Variants in VDAC3 observed in about 807,000 individuals in gnomAD.
VDAC3 encodes non-selective voltage-gated ion channel VDAC3.
VDAC3 carries 7 observed loss-of-function variants against 33.9 expected under a neutral mutation model. That is an observed-to-expected ratio of 0.21 (90% CI 0.12 to 0.39). VDAC3 has a LOEUF of 0.39. Ranked by LOEUF, VDAC3 falls within the 10% of genes least tolerant of loss-of-function variation. The pLI is 1.00. For synonymous variants in VDAC3, 100 were observed against 122.4 expected, an observed-to-expected ratio of 0.82 and a Z score of 1.21; for missense variants, 261 against 334.5, an observed-to-expected ratio of 0.78 and a Z score of 1.71.
intron 7 of VDAC3, among the ~76,000 whole-genome samples, chr8:42,402,337 C>T (rs1413317648): frequency 1.3e-5 from 2 of 152,188 alleles, no homozygotes; most frequent in African/African-American, 4.8e-5. Context: ...TTACTGCTTC[C>T]TCTGCTGCCC....
rs62508038 is a variant in VDAC3, at chr8:42,398,746, C to G, written c.152C>G (p.Thr51Arg). The stretch of plus-strand genomic sequence containing the variant: ...ACTTCTGGTCATGCTTACACTGATA[C>G]AGGGAAAGCATCAGGCAACCTAGAA... ...FSTSGHAYTD[T>R]GKASGNLETK... The change falls in exon 5 of 10, where the codon ACA becomes AGA. Residue 51 changes from threonine (T) to arginine (R), a missense_variant. Transcript: ENST00000022615. 1.5e-3 allele frequency: 2,401 copies of G among 1,613,876 alleles called. 4 individuals carry two copies. The highest frequency in any genetic ancestry group is 1.9e-3 in the Non-Finnish European group (2,199 of 1,179,988).
intron 7 of VDAC3, 115 bp downstream of exon 7, chr8:42,402,130 C>T: frequency 9.0e-7 from 1 of 1,117,162 alleles, no homozygotes; most frequent in Non-Finnish European, 1.3e-6. Flanking sequence ...GAATATCCAT[C>T]CTTGCGGTGC....
chr8:42,404,733 A>G (rs1045203900), intron 8 of VDAC3, 134 bp from the exon 9 acceptor site: 1 of 668,072 alleles, frequency 1.5e-6, no homozygotes, highest in Non-Finnish European at 2.3e-6. Context: ...AAAAAAAAAA[A>G]AAAAAAAAAT....
chr8:42,400,095 T>C (rs113868183), intron 6 of VDAC3, among the ~76,000 whole-genome samples: 3,547 of 152,242 alleles, frequency 0.023, 92 homozygotes, highest in South Asian at 0.093. Context: ...CCTAGCACTT[T>C]GGGAGGCCGA....
intron 4 of VDAC3, among the ~76,000 whole-genome samples, chr8:42,395,831 C>T (rs1254132866): frequency 1.3e-5 from 2 of 151,050 alleles, no homozygotes; most frequent in African/African-American, 2.4e-5. Context: ...TGTGGTGGCA[C>T]GCACATAGTC....
chr8:42,404,742 A>AAAAAT, intron 8 of VDAC3, 125 bp from the exon 9 acceptor site: 1 of 637,634 alleles, frequency 1.6e-6, no homozygotes, highest in Non-Finnish European at 2.4e-6. Context: ...AAAAAAAAAA[A>AAAAAT]TCAGTAATTC....
At chr8:42,395,769 T>C (rs1380459753) in intron 4 of VDAC3, among the ~76,000 whole-genome samples, 30 of 135,188 alleles carry the variant, frequency 2.2e-4, no homozygotes, top group East Asian at 6.8e-4. Flanking sequence ...ACCAGCCTGG[T>C]CAACATTCTG....
chr8:42,394,153 G>C, intron 2 of VDAC3, 57 bp from the exon 3 acceptor site: 1 of 1,467,980 alleles, frequency 6.8e-7, no homozygotes. Flanking sequence ...GAAGAACTGT[G>C]GGTGAATAAA....
chr8:42,402,147 C>T (rs911632740), intron 7 of VDAC3, 132 bp downstream of exon 7: 2 of 994,362 alleles, frequency 2.0e-6, no homozygotes, highest in Non-Finnish European at 3.0e-6. Context: ...GTGCTATCCT[C>T]ATAGCAAAAC....
At chr8:42,402,170 C>T in intron 7 of VDAC3, 155 bp downstream of exon 7, 2 of 822,386 alleles carry the variant, frequency 2.4e-6, no homozygotes, top group Non-Finnish European at 3.8e-6. Context: ...TGCCAGGAGG[C>T]TGGTGCACGT....
intron 1 of VDAC3, among the ~76,000 whole-genome samples, chr8:42,392,316 G>T (rs1020853581): frequency 6.6e-6 from 1 of 152,230 alleles, no homozygotes; most frequent in Admixed American, 6.5e-5. Context: ...AATTCAAAAC[G>T]GAGAAGCGAG....
chr8:42,395,958 TAA>T (rs543863402), intron 4 of VDAC3, among the ~76,000 whole-genome samples: 184 of 119,840 alleles, frequency 1.5e-3, no homozygotes, highest in Middle Eastern at 4.8e-3. Flanking sequence ...GACTTTGTCT[TAA>T]AAAAAAAAAA....
intron 7 of VDAC3, chr8:42,402,902 A>T (rs1802441972): frequency 5.9e-6 from 1 of 168,258 alleles, no homozygotes; most frequent in Admixed American, 5.8e-5. Context: ...TTTTAAAGGA[A>T]ATCCAGAATT....
At chr8:42,404,796 C>CA (rs1360788610) in intron 8 of VDAC3, 71 bp from the exon 9 acceptor site, 11 of 1,334,522 alleles carry the variant, frequency 8.2e-6, no homozygotes, top group African/African-American at 1.5e-5. Flanking sequence ...ACCTAATGCA[C>CA]AAAGTGATGG....
rs751813712 is a variant in VDAC3, at chr8:42,401,967, A to G, written c.503A>G (p.Asn168Ser). 1.9e-6 allele frequency: 3 copies of G among 1,614,068 alleles called. No individual in the cohort carries two copies. In the African/African-American group the frequency reaches 4.0e-5, roughly 22 times the overall value. ...GCCAAATCCAAACTGTCACAGAATA[A>G]TTTCGCCCTGGGTTACAAGGCTGCG... ...DTAKSKLSQNNFALGYKAADF... is the reference protein window; with the variant it reads ...DTAKSKLSQNSFALGYKAADF... Residue 168 changes from asparagine (N) to serine (S), a missense_variant, in exon 7 of 10, where the codon AAT becomes AGT. Asn to Ser is a conservative substitution (Grantham distance 46). Transcript: ENST00000022615.
rs1292701593 is a variant in VDAC3, at chr8:42,395,064, T to G, written c.68-20T>G. ...TCACATTTTGTACATTACTGTGTTT[T>G]TGTGTGTGTGTGTGTATAGGCTTTG... is the stretch of plus-strand genomic sequence containing the variant. On this transcript the variant is annotated intron_variant, in intron 3 of 9. Transcript: ENST00000022615. 5.3e-5 allele frequency: 85 copies of G among 1,604,616 alleles called. No individual in the cohort carries two copies. Among genetic ancestry groups the G allele is most frequent in the East Asian group, 3.6e-4 (16 of 44,684 alleles).
intron 6 of VDAC3, among the ~76,000 whole-genome samples, chr8:42,400,947 C>T (rs902303468): frequency 6.6e-6 from 1 of 152,026 alleles, no homozygotes; most frequent in African/African-American, 2.4e-5. Context: ...CAGGCATGAG[C>T]CACTGTGCCC....
chr8:42,394,367 G>C, intron 3 of VDAC3, 89 bp downstream of exon 3: 1 of 1,140,430 alleles, frequency 8.8e-7, no homozygotes, highest in African/African-American at 1.5e-5. Flanking sequence ...TAAAATAAGG[G>C]TAAGTCAGCA....
chr8:42,396,555 T>C (rs78029949), intron 4 of VDAC3: 9 of 646,514 alleles, frequency 1.4e-5, no homozygotes, highest in East Asian at 8.2e-5. Flanking sequence ...TCTGTTAAAA[T>C]AGAAGAATCA....
Sources: allele counts gnomAD v4.1 joint callset (sites outside exome capture counted in the v4.1 genomes callset), GRCh38; gene constraint gnomAD v4.1.1; transcripts MANE v1.5; gene names NCBI Gene and HGNC (gene_info 2026-07-23, HGNC 2026-07-21).